ERC2: variants seen among roughly 807,000 people sequenced by gnomAD.
The protein encoded by ERC2 is ELKS/RAB6-interacting/CAST family member 2.
ERC2 carries 42 observed loss-of-function variants against 114.8 expected under a neutral mutation model. The observed-to-expected ratio is 0.37, with a 90% confidence interval of 0.29 to 0.47. ERC2 has a LOEUF of 0.47. ERC2 is among the 20% of genes least tolerant of loss of function. ERC2 has a pLI of 0.99. For missense variants in ERC2, 939 were observed against 1,150.7 expected, an observed-to-expected ratio of 0.82 and a Z score of 2.66; for synonymous variants, 454 against 425.5, an observed-to-expected ratio of 1.07 and a Z score of -0.82.
At chr3:55,588,475 G>C (rs1298391289) in intron 17 of ERC2, among the ~76,000 whole-genome samples, 1 of 152,244 alleles carries the variant, frequency 6.6e-6, no homozygotes, top group Non-Finnish European at 1.5e-5. Flanking sequence ...ATGTTAAAAA[G>C]ACACACGAAC....
rs11293885 is a variant in ERC2, at chr3:55,754,178, A to AT, written c.2565-19261dup. 1.5e-4 allele frequency among the ~76,000 whole-genome samples: 23 copies of AT among 150,582 alleles called. No individual in the cohort carries two copies. In the East Asian group the frequency reaches 3.1e-3, roughly 21 times the overall value. The stretch of plus-strand genomic sequence containing the variant: ...ACCGATCTCTACAGATAAGAAAACT[A>AT]TTTTTTTTTTTGAGAAAACTATTTA... On this transcript the variant is annotated intron_variant, in intron 14 of 17. Transcript: ENST00000288221.
intron 14 of ERC2, among the ~76,000 whole-genome samples, chr3:55,883,808 A>C (rs1350506891): frequency 6.6e-6 from 1 of 152,056 alleles, no homozygotes; most frequent in Non-Finnish European, 1.5e-5. Context: ...GAATGGTGTG[A>C]ACCCAGGAGG....
intron 13 of ERC2, among the ~76,000 whole-genome samples, chr3:55,938,159 A>ATCTT: frequency 6.7e-6 from 1 of 150,142 alleles, no homozygotes; most frequent in East Asian, 2.0e-4. Context: ...AAAAACCAAG[A>ATCTT]GGTTCTTTCA....
At chr3:55,570,988 T>G (rs2056674902) in intron 17 of ERC2, among the ~76,000 whole-genome samples, 1 of 151,900 alleles carries the variant, frequency 6.6e-6, no homozygotes, top group Non-Finnish European at 1.5e-5. Context: ...TAGCTGGGCA[T>G]GGTTTGGCGT....
chr3:55,949,554 G>GTATT (rs2067355726), intron 13 of ERC2, among the ~76,000 whole-genome samples: 1 of 125,558 alleles, frequency 8.0e-6, no homozygotes, highest in Non-Finnish European at 1.7e-5. Flanking sequence ...TCTATGCAAG[G>GTATT]TATTTCCTTG....
chr3:55,632,673 A>T (rs1184566753), intron 17 of ERC2, among the ~76,000 whole-genome samples: 1 of 152,214 alleles, frequency 6.6e-6, no homozygotes, highest in Non-Finnish European at 1.5e-5. Flanking sequence ...TCAAAAGAAG[A>T]TGTAACTCAC....
chr3:55,626,413 T>C (rs2059526407), intron 17 of ERC2, among the ~76,000 whole-genome samples: 1 of 152,198 alleles, frequency 6.6e-6, no homozygotes, highest in South Asian at 2.1e-4. Flanking sequence ...CTTCCCTAAG[T>C]CCGCTAAAGC....
At chr3:55,518,809 A>C (rs1305637379) in intron 17 of ERC2, among the ~76,000 whole-genome samples, 1 of 152,268 alleles carries the variant, frequency 6.6e-6, no homozygotes, top group Non-Finnish European at 1.5e-5. Context: ...CGTTGTGTTT[A>C]GTTTGAAATT....
intron 17 of ERC2, among the ~76,000 whole-genome samples, chr3:55,634,277 T>TC (rs1429438051): frequency 1.3e-5 from 2 of 152,138 alleles, no homozygotes; most frequent in Admixed American, 6.5e-5. Context: ...ATCCATGCAT[T>TC]CCCCCAGGAT....
At chr3:55,778,893 A>G (rs2068804182) in intron 14 of ERC2, among the ~76,000 whole-genome samples, 1 of 152,134 alleles carries the variant, frequency 6.6e-6, no homozygotes, top group Non-Finnish European at 1.5e-5. Context: ...GTGGAGACAG[A>G]ATGTAAAGAA....
intron 1 of ERC2, among the ~76,000 whole-genome samples, chr3:56,467,441 A>C (rs1193204351): frequency 6.6e-6 from 1 of 152,208 alleles, no homozygotes; most frequent in African/African-American, 2.4e-5. Flanking sequence ...CCTTAAGTAC[A>C]AAATAAATAA....
chr3:55,671,567 T>C (rs1450511646), intron 17 of ERC2, among the ~76,000 whole-genome samples: 1 of 152,218 alleles, frequency 6.6e-6, no homozygotes, highest in Non-Finnish European at 1.5e-5. Context: ...CTCAGTCTTC[T>C]TGAACAGTGA....
chr3:56,397,363 A>AAAG (rs1012036842), intron 2 of ERC2, among the ~76,000 whole-genome samples: 2 of 149,034 alleles, frequency 1.3e-5, no homozygotes, highest in Admixed American at 6.7e-5. Flanking sequence ...AAAAAAAAAA[A>AAAG]AAGAAGAAGA....
At chr3:55,736,946 T>G (rs562389812) in intron 14 of ERC2, among the ~76,000 whole-genome samples, 4 of 152,160 alleles carry the variant, frequency 2.6e-5, no homozygotes, top group African/African-American at 9.7e-5. Flanking sequence ...ACTGGGAAAG[T>G]CTTATCTCCA....
chr3:55,618,489 G>A (rs2059209013), intron 17 of ERC2, among the ~76,000 whole-genome samples: 1 of 152,158 alleles, frequency 6.6e-6, no homozygotes, highest in Non-Finnish European at 1.5e-5. Context: ...ACTGGCTAAA[G>A]AATGCAAAAT....
At chr3:56,292,875 C>G (rs931509404) in intron 3 of ERC2, among the ~76,000 whole-genome samples, 2 of 152,124 alleles carry the variant, frequency 1.3e-5, no homozygotes, top group African/African-American at 4.8e-5. Flanking sequence ...TCCAAGAGGC[C>G]TTCCCTGACA....
intron 14 of ERC2, among the ~76,000 whole-genome samples, chr3:55,796,273 C>G (rs1041733698): frequency 6.6e-6 from 1 of 152,160 alleles, no homozygotes; most frequent in African/African-American, 2.4e-5. Context: ...AACTATTGGG[C>G]CTTCGGTGGA....
At chr3:55,583,559 T>C (rs1489102275) in intron 17 of ERC2, among the ~76,000 whole-genome samples, 10 of 125,290 alleles carry the variant, frequency 8.0e-5, no homozygotes, top group African/African-American at 2.7e-4. Flanking sequence ...CTTCCTTCCT[T>C]CCTTCCTTCC....
chr3:55,759,489 A>AGGTT (rs2067285080), intron 14 of ERC2, among the ~76,000 whole-genome samples: 1 of 133,730 alleles, frequency 7.5e-6, no homozygotes. Flanking sequence ...AAAAAAAAAA[A>AGGTT]AAAAAAAAAG....
Sources: allele counts gnomAD v4.1 joint callset (sites outside exome capture counted in the v4.1 genomes callset), GRCh38; gene constraint gnomAD v4.1.1; transcripts MANE v1.5; gene names NCBI Gene and HGNC (gene_info 2026-07-23, HGNC 2026-07-21).